Variants in PPP2R2B observed in about 807,000 individuals in gnomAD.
PPP2R2B encodes protein phosphatase 2 regulatory subunit Bbeta, also known as serine/threonine-protein phosphatase 2A 55 kDa regulatory subunit B beta isoform.
PPP2R2B carries 5 observed loss-of-function variants against 46.0 expected under a neutral mutation model. The observed-to-expected ratio is 0.11, with a 90% CI of 0.06 to 0.23. The LOEUF (loss-of-function observed/expected upper bound fraction) is 0.23, where lower values mean the gene tolerates loss of function less well. Ranked by LOEUF, PPP2R2B falls within the 10% of genes least tolerant of loss-of-function variation. The pLI, the probability that PPP2R2B is intolerant of heterozygous loss-of-function variation, is 1.00. For missense variants in PPP2R2B, 367 were observed against 575.0 expected (o/e 0.64, Z 3.70); for synonymous variants, 215 against 206.7 (o/e 1.04, Z -0.34).
intron 2 of PPP2R2B, among the ~76,000 whole-genome samples, chr5:146,861,470 C>T (rs1353511032): frequency 6.6e-6 from 1 of 151,492 alleles, no homozygotes; most frequent in East Asian, 1.9e-4. Context: ...GGATTACAGG[C>T]GTGAGCCACC....
chr5:146,688,058 T>C (rs553960752), intron 5 of PPP2R2B, among the ~76,000 whole-genome samples: 3 of 152,298 alleles, frequency 2.0e-5, no homozygotes, highest in South Asian at 4.1e-4. Context: ...TCTTCAGGGT[T>C]GCCTGCTTTT....
chr5:146,681,111 G>A (rs1300059663), intron 5 of PPP2R2B, among the ~76,000 whole-genome samples: 41 of 152,128 alleles, frequency 2.7e-4, no homozygotes, highest in Admixed American at 2.7e-3. Context: ...GGATCAAAGT[G>A]ATCATGTCCT....
intron 2 of PPP2R2B, among the ~76,000 whole-genome samples, chr5:146,783,843 C>T (rs973619938): frequency 2.6e-5 from 4 of 152,138 alleles, no homozygotes; most frequent in South Asian, 2.1e-4. Context: ...ACTGTCTGAT[C>T]GGGGGATAGG....
intron 2 of PPP2R2B, among the ~76,000 whole-genome samples, chr5:146,844,097 G>A (rs570963709): frequency 9.4e-5 from 14 of 149,650 alleles, no homozygotes. Flanking sequence ...GTAAACTATC[G>A]CAAGAACAAA....
chr5:146,658,100 A>G (rs1232934752), intron 5 of PPP2R2B, among the ~76,000 whole-genome samples: 1 of 152,138 alleles, frequency 6.6e-6, no homozygotes, highest in East Asian at 1.9e-4. Context: ...CCTTCTTCTT[A>G]CTCAAACCAC....
At chr5:146,897,059 G>A (rs1762667864) in intron 1 of PPP2R2B, among the ~76,000 whole-genome samples, 6 of 152,096 alleles carry the variant, frequency 3.9e-5, no homozygotes, top group Admixed American at 3.3e-4. Context: ...TGATAGTAAA[G>A]AAGCAAAGCA....
intron 1 of PPP2R2B, among the ~76,000 whole-genome samples, chr5:146,959,474 A>T (rs1752072717): frequency 6.6e-6 from 1 of 152,200 alleles, no homozygotes; most frequent in Admixed American, 6.5e-5. Flanking sequence ...ACTCTGCTTT[A>T]TCTCCACCCA....
chr5:146,936,993 A>G (rs1413232065), intron 1 of PPP2R2B, among the ~76,000 whole-genome samples: 13 of 152,094 alleles, frequency 8.5e-5, no homozygotes, highest in Admixed American at 7.9e-4. Context: ...TGTGGATAAA[A>G]CAATTGAGAT....
intron 2 of PPP2R2B, among the ~76,000 whole-genome samples, chr5:147,068,709 A>G (rs1044056578): frequency 6.6e-6 from 1 of 152,248 alleles, no homozygotes; most frequent in Non-Finnish European, 1.5e-5. Flanking sequence ...AGGAATATAC[A>G]TTCTGAACCA....
chr5:146,844,021 G>A (rs1475119816), intron 2 of PPP2R2B, among the ~76,000 whole-genome samples: 1 of 151,822 alleles, frequency 6.6e-6, no homozygotes, highest in Non-Finnish European at 1.5e-5. Context: ...CTGAGGAATC[G>A]CCACACTGAC....
intron 1 of PPP2R2B, among the ~76,000 whole-genome samples, chr5:146,976,357 G>A (rs1194807068): frequency 6.6e-6 from 1 of 151,838 alleles, no homozygotes; most frequent in East Asian, 1.9e-4. Flanking sequence ...GGCTGGTCTC[G>A]AACTCCTGGC....
At chr5:146,698,688 C>A (rs886855276) in intron 3 of PPP2R2B, among the ~76,000 whole-genome samples, 5 of 151,794 alleles carry the variant, frequency 3.3e-5, no homozygotes, top group African/African-American at 1.2e-4. Flanking sequence ...TATTAAATGA[C>A]TTTCCCTAGG....
intron 2 of PPP2R2B, chr5:146,706,738 A>G: frequency 2.5e-6 from 2 of 810,974 alleles, no homozygotes; most frequent in Non-Finnish European, 4.4e-6. Context: ...AGGTCTTCCC[A>G]GCCAGCGTCT....
At chr5:146,918,234 A>T (rs1022924902) in intron 1 of PPP2R2B, 14 of 152,200 alleles carry the variant, frequency 9.2e-5, no homozygotes, top group African/African-American at 3.4e-4. Flanking sequence ...AAGAATATAT[A>T]TGAAGGGAAA....
At chr5:147,012,246 C>G (rs898826417) in intron 1 of PPP2R2B, among the ~76,000 whole-genome samples, 4 of 152,158 alleles carry the variant, frequency 2.6e-5, no homozygotes, top group Admixed American at 6.6e-5. Context: ...ATTATTGCCA[C>G]AATTTCGGAT....
intron 5 of PPP2R2B, among the ~76,000 whole-genome samples, chr5:146,651,332 C>T (rs929845321): frequency 3.9e-5 from 6 of 152,210 alleles, no homozygotes; most frequent in Non-Finnish European, 7.4e-5. Flanking sequence ...TCTTAGAGTG[C>T]GAACCAGGTA....
chr5:146,642,317 G>C (rs543604858), intron 6 of PPP2R2B, among the ~76,000 whole-genome samples: 1 of 152,320 alleles, frequency 6.6e-6, no homozygotes, highest in South Asian at 2.1e-4. Context: ...GCCACAAATG[G>C]TTCATCAGTG....
chr5:146,852,510 CTTAAA>C (rs1457972016), intron 2 of PPP2R2B, among the ~76,000 whole-genome samples: 1 of 152,104 alleles, frequency 6.6e-6, no homozygotes, highest in African/African-American at 2.4e-5. Context: ...ACGAGCAGGA[CTTAAA>C]TTAACAATTA....
At chr5:146,813,243 C>A (rs74737268) in intron 2 of PPP2R2B, among the ~76,000 whole-genome samples, 2,770 of 151,908 alleles carry the variant, frequency 0.018, 74 homozygotes, top group African/African-American at 0.056. Flanking sequence ...TTAAAAAAAA[C>A]CCCTCTCTTT....
Sources: gnomAD v4.1 joint callset for allele counts (sites outside exome capture counted in the v4.1 genomes callset) on GRCh38, gnomAD v4.1.1 for gene constraint, MANE v1.5 for transcripts, NCBI Gene and HGNC (gene_info 2026-07-23, HGNC 2026-07-21) for gene names.